The following NAV2 variants were observed in gnomAD, a reference collection of about 807,000 sequenced individuals.
The protein encoded by NAV2 is neuron navigator 2, also known as helicase, APC down-regulated 1.
In NAV2, 54 loss-of-function variants were observed where a neutral mutation model predicts 223.2. The observed-to-expected ratio is 0.24, with a 90% CI of 0.19 to 0.30. The LOEUF is 0.30. Ranked by LOEUF, NAV2 falls within the 10% of genes least tolerant of loss-of-function variation. The probability of loss-of-function intolerance (pLI) is 1.00; values close to 1 mark genes in which losing one functional copy is unlikely to be tolerated. For synonymous variants in NAV2, 1,279 were observed against 1,239.3 expected, an observed-to-expected ratio of 1.03 and a Z score of -0.67; for missense variants, 2,806 against 3,147.5, an observed-to-expected ratio of 0.89 and a Z score of 2.60.
At chr11:19,378,717 C>T (rs1421526385) in intron 1 of NAV2, among the ~76,000 whole-genome samples, 3 of 152,080 alleles carry the variant, frequency 2.0e-5, no homozygotes, top group Non-Finnish European at 4.4e-5. Flanking sequence ...ACAGGTTTGG[C>T]GCCTTCTTTG....
At chr11:20,036,547 G>A (rs10741810) in intron 12 of NAV2, among the ~76,000 whole-genome samples, 108,069 of 151,988 alleles carry the variant, frequency 0.71, 40,104 homozygotes, top group Admixed American at 0.81. Context: ...CCGGAAGGCC[G>A]GGATGTCCTG....
intron 1 of NAV2, chr11:19,518,311 G>C (rs562835665): frequency 1.3e-5 from 2 of 152,316 alleles, no homozygotes; most frequent in African/African-American, 4.8e-5. Flanking sequence ...CCCTTGCCTT[G>C]GCTCAATTGA....
At chr11:19,663,904 G>A (rs555486569) in intron 1 of NAV2, among the ~76,000 whole-genome samples, 75 of 152,300 alleles carry the variant, frequency 4.9e-4, no homozygotes, top group African/African-American at 1.8e-3. Context: ...TGACAACCGT[G>A]TAGCATGTGA....
chr11:19,615,815 A>G lies in NAV2; in HGVS notation c.76-216669A>G, dbSNP rs148855329. Among the ~76,000 whole-genome samples the G allele has an allele frequency of 1.7e-4, 26 of 152,238 alleles. No individual in the cohort carries two copies. The East Asian group carries it at 2.3e-3, about 14-fold the overall frequency. Reference sequence around the variant, plus strand: ...TGCTCCTGCTTCAAATTCTCATTACACTGAATCTTAGCAAAGCAACCACAT... The same window carrying G: ...TGCTCCTGCTTCAAATTCTCATTACGCTGAATCTTAGCAAAGCAACCACAT... On this transcript the variant is annotated intron_variant, in intron 1 of 37. Coordinates refer to the NAV2 transcript ENST00000360655.
intron 10 of NAV2, among the ~76,000 whole-genome samples, chr11:19,972,052 C>T (rs1475499932): frequency 6.6e-6 from 1 of 152,152 alleles, no homozygotes; most frequent in Admixed American, 6.6e-5. Flanking sequence ...AGATCTCACA[C>T]CCTGACTTGG....
chr11:19,381,378 T>C (rs1394876553), intron 1 of NAV2, among the ~76,000 whole-genome samples: 3 of 152,216 alleles, frequency 2.0e-5, no homozygotes, highest in Admixed American at 6.5e-5. Flanking sequence ...ATTTATTTAA[T>C]TACATAAATA....
intron 6 of NAV2, among the ~76,000 whole-genome samples, chr11:19,927,730 AG>A (rs1185209549): frequency 2.0e-5 from 3 of 152,104 alleles, no homozygotes; most frequent in Non-Finnish European, 4.4e-5. Flanking sequence ...AACCTGTTTA[AG>A]GGCTCTGCAA....
At chr11:19,352,748 T>G (rs1853396494) in intron 1 of NAV2, among the ~76,000 whole-genome samples, 1 of 152,224 alleles carries the variant, frequency 6.6e-6, no homozygotes, top group Non-Finnish European at 1.5e-5. Context: ...TCTACTGAAT[T>G]TTCTGGGCTG....
At chr11:19,695,118 C>T (rs2049291861) in intron 1 of NAV2, among the ~76,000 whole-genome samples, 1 of 152,188 alleles carries the variant, frequency 6.6e-6, no homozygotes, top group African/African-American at 2.4e-5. Flanking sequence ...AGGGGATCAC[C>T]TCCCACTGCT....
rs754332326 is a variant in NAV2 at position 20,044,259 on chromosome 11, G to A, written c.3186G>A (p.Lys1062=). ...CTTCAGCCCCGGCAGGCGCACTGAA[G>A]ACCCCAGGAACTGGTAAGAGGCCGG... ...TKPSAPAGAL[K]TPGTGKTDDA... The change falls in exon 13 of 38, where the codon AAG becomes AAA. Residue 1062 remains lysine, a synonymous_variant. Coordinates refer to ENST00000349880, the MANE Select transcript of NAV2 (RefSeq NM_145117.5). The A allele has an allele frequency of 8.7e-6, 14 of 1,611,070 alleles. No homozygotes were observed. In the East Asian group the frequency reaches 2.2e-4, roughly 26 times the overall value.
chr11:19,613,762 G>T (rs1335933316), intron 1 of NAV2, among the ~76,000 whole-genome samples: 1 of 152,166 alleles, frequency 6.6e-6, no homozygotes, highest in Non-Finnish European at 1.5e-5. Context: ...TAGTTTACCT[G>T]TCTGTGCCCC....
At chr11:20,006,290 G>C (rs533475656) in intron 11 of NAV2, among the ~76,000 whole-genome samples, 1 of 152,268 alleles carries the variant, frequency 6.6e-6, no homozygotes, top group East Asian at 1.9e-4. Flanking sequence ...GGAAAGCCAG[G>C]TTCCCACAGG....
intron 1 of NAV2, among the ~76,000 whole-genome samples, chr11:19,422,419 G>A (rs997133786): frequency 2.6e-5 from 4 of 152,174 alleles, no homozygotes; most frequent in African/African-American, 9.7e-5. Flanking sequence ...GACCCCCACG[G>A]CCCTGAAGAG....
chr11:20,110,584 T>C (rs2062542346), intron 36 of NAV2, among the ~76,000 whole-genome samples: 1 of 152,184 alleles, frequency 6.6e-6, no homozygotes, highest in East Asian at 1.9e-4. Flanking sequence ...CAGGACTAGC[T>C]GGCCCCTTGG....
At chr11:20,010,948 C>T (rs1423945873) in intron 11 of NAV2, among the ~76,000 whole-genome samples, 9 of 152,214 alleles carry the variant, frequency 5.9e-5, no homozygotes, top group Non-Finnish European at 4.4e-5. Context: ...TACCCTTAAT[C>T]CGCTAAACTT....
intron 37 of NAV2, among the ~76,000 whole-genome samples, chr11:20,116,500 C>A (rs1370650745): frequency 6.6e-6 from 1 of 152,182 alleles, no homozygotes; most frequent in African/African-American, 2.4e-5. Flanking sequence ...GCCAAAGTCA[C>A]GGAGGTATTT....
chr11:19,448,334 G>A (rs1271749922), intron 1 of NAV2, among the ~76,000 whole-genome samples: 1 of 152,200 alleles, frequency 6.6e-6, no homozygotes, highest in Non-Finnish European at 1.5e-5. Flanking sequence ...TATTCTGCCT[G>A]TGGCTGTTAC....
chr11:19,401,568 G>A (rs772462943), intron 1 of NAV2, among the ~76,000 whole-genome samples: 3 of 152,182 alleles, frequency 2.0e-5, no homozygotes, highest in Non-Finnish European at 4.4e-5. Context: ...TGTACAGAAC[G>A]ATGCAGTTGA....
chr11:19,662,124 T>A (rs541592529), intron 1 of NAV2, among the ~76,000 whole-genome samples: 1 of 152,298 alleles, frequency 6.6e-6, no homozygotes, highest in South Asian at 2.1e-4. Flanking sequence ...AAATTCTTTT[T>A]AAAAATGTGT....
Sources: allele counts gnomAD v4.1 joint callset (sites outside exome capture counted in the v4.1 genomes callset), GRCh38; gene constraint gnomAD v4.1.1; transcripts MANE v1.5; gene names NCBI Gene and HGNC (gene_info 2026-07-23, HGNC 2026-07-21).